ELF2: variants seen among roughly 807,000 people sequenced by gnomAD.
ELF2 encodes E74 like ETS transcription factor 2.
ELF2 carries 11 observed loss-of-function variants against 54.8 expected under a neutral mutation model. The observed-to-expected ratio is 0.20, with a 90% CI of 0.13 to 0.33. ELF2 has a LOEUF of 0.33. Ranked by LOEUF, ELF2 falls within the 10% of genes least tolerant of loss-of-function variation. ELF2 has a pLI of 1.00. For synonymous variants in ELF2, 203 were observed against 245.1 expected (o/e 0.83, Z 1.61); for missense variants, 513 against 703.0 (o/e 0.73, Z 3.06).
intron 7 of ELF2, 112 bp downstream of exon 7, chr4:139,067,572 C>T (rs542478056): frequency 3.9e-5 from 42 of 1,073,836 alleles, no homozygotes; most frequent in Middle Eastern, 2.1e-4. Context: ...CTATTACCAG[C>T]GACAGTATTC....
intron 1 of ELF2, among the ~76,000 whole-genome samples, chr4:139,168,892 G>A (rs1301837030): frequency 6.6e-6 from 1 of 152,070 alleles, no homozygotes; most frequent in African/African-American, 2.4e-5. Flanking sequence ...TGATCAAAAG[G>A]GGGAAAAGTG....
chr4:139,137,763 T>C lies in ELF2; in HGVS notation c.-62A>G, dbSNP rs984554267. ...AATGAAATTAAAGGTTCACTGATGG[T>C]TGCCAGTGTTATAGGTTTGCATTAT... is the stretch of plus-strand genomic sequence containing the variant. On this transcript the variant is annotated 5_prime_UTR_variant, in exon 3 of 10. Transcript: ENST00000686138. The C allele has an allele frequency of 3.7e-6, 6 of 1,606,322 alleles. No homozygotes were observed. The African/African-American group carries it at 6.7e-5, about 18-fold the overall frequency.
Position 139,071,950 on chromosome 4 carries a change from C to A in ELF2, c.442G>T (p.Val148Leu). The A allele has an allele frequency of 6.2e-7, 1 of 1,613,920 alleles. No homozygotes were observed. Among genetic ancestry groups the A allele is most frequent in the South Asian group, 1.1e-5 (1 of 91,070 alleles). The change falls in exon 6 of 10, where the codon GTG (valine) becomes TTG (leucine). Residue 148 changes from valine (V) to leucine (L), a missense_variant. Val to Leu is a conservative substitution (Grantham distance 32). This residue lies in a region of ELF2 where 203 missense variants were observed against 245.9 expected (regional missense o/e 0.83). Coordinates refer to ENST00000686138, the MANE Select transcript of ELF2 (RefSeq NM_001331036.3). The stretch of plus-strand genomic sequence containing the variant: ...ATGGGTTCAGACTCTTCAGTTGACA[C>A]CTCCACTACAGTTTCTGTAATGACA... Reference protein sequence around the residue: ...PDVITETVVEVSTEESEPMDT... With the variant: ...PDVITETVVELSTEESEPMDT...
At chr4:139,074,790 G>C (rs1299955542) in intron 4 of ELF2, among the ~76,000 whole-genome samples, 2 of 151,276 alleles carry the variant, frequency 1.3e-5, no homozygotes, top group Non-Finnish European at 2.9e-5. Flanking sequence ...AAATATTGCA[G>C]GGGAGGGGGA....
At chr4:139,079,712 G>A (rs1221511325) in intron 4 of ELF2, among the ~76,000 whole-genome samples, 1 of 152,148 alleles carries the variant, frequency 6.6e-6, no homozygotes, top group Non-Finnish European at 1.5e-5. Context: ...AGGATTTCAA[G>A]ACCAGCCTGG....
chr4:139,092,309 C>T (rs1351714261), intron 4 of ELF2, among the ~76,000 whole-genome samples: 9 of 151,376 alleles, frequency 5.9e-5, no homozygotes, highest in Admixed American at 4.0e-4. Flanking sequence ...TGAAGTAAGC[C>T]GAGATCATGC....
At chr4:139,133,167 C>T (rs1490275998) in intron 3 of ELF2, among the ~76,000 whole-genome samples, 1 of 152,040 alleles carries the variant, frequency 6.6e-6, no homozygotes, top group African/African-American at 2.4e-5. Context: ...GTGATCCGCC[C>T]GCCTCGGCTT....
intron 1 of ELF2, among the ~76,000 whole-genome samples, chr4:139,149,549 G>C (rs1221019606): frequency 6.6e-6 from 1 of 152,156 alleles, no homozygotes; most frequent in Non-Finnish European, 1.5e-5. Context: ...AGGAGGCAGA[G>C]GTTGCAGTGA....
intron 8 of ELF2, among the ~76,000 whole-genome samples, chr4:139,060,908 T>G (rs1386664127): frequency 6.6e-6 from 1 of 152,234 alleles, no homozygotes; most frequent in Non-Finnish European, 1.5e-5. Flanking sequence ...GTCTATAAAC[T>G]GGCTGAAAGT....
Position 139,059,598 on chromosome 4 carries a change from A to G in ELF2, c.1167T>C (p.Arg389=). 1 of 1,610,722 alleles carries G rather than the reference A, an allele frequency of 6.2e-7. No individual in the cohort carries two copies. Among genetic ancestry groups the G allele is most frequent in the Non-Finnish European group, 8.5e-7 (1 of 1,179,800 alleles). The change falls in exon 10 of 10, where the codon CGT becomes CGC. Residue 389 remains arginine, a synonymous_variant. Transcript: ENST00000686138. ...TTACAACAGGTACCTGCATTGCCACACGAACTGTCCTAGTACATTAGAAAG... is the reference window on the plus strand; with the variant it reads ...TTACAACAGGTACCTGCATTGCCACGCGAACTGTCCTAGTACATTAGAAAG... ...VSATAAPRTV[R]VAMQVPVVMT...
intron 4 of ELF2, among the ~76,000 whole-genome samples, chr4:139,089,470 T>A (rs2148752903): frequency 6.6e-6 from 1 of 152,328 alleles, no homozygotes; most frequent in Non-Finnish European, 1.5e-5. Context: ...CCAGAGAAAC[T>A]GCTATCATGA....
At chr4:139,080,142 TTTGTTTCTAAAATAGTTTTATG>T (rs1286874933) in intron 4 of ELF2, among the ~76,000 whole-genome samples, 2 of 152,176 alleles carry the variant, frequency 1.3e-5, no homozygotes, top group Non-Finnish European at 2.9e-5. Context: ...ACCAACCAAA[TTTGTTTCTAAAATAGTTTTATG>T]TTGAATGATT....
intron 4 of ELF2, among the ~76,000 whole-genome samples, chr4:139,090,518 T>C (rs1455291971): frequency 6.6e-6 from 1 of 152,248 alleles, no homozygotes; most frequent in Non-Finnish European, 1.5e-5. Flanking sequence ...TTTTTTGTCT[T>C]ATTGATCTAT....
downstream of ELF2, chr4:139,057,259 T>C (rs1727192499): frequency 6.6e-6 from 1 of 152,242 alleles, no homozygotes. Context: ...GAGTTTTTCT[T>C]TGAGCTTTTG....
At chr4:139,118,690 T>G (rs923841469) in intron 4 of ELF2, among the ~76,000 whole-genome samples, 8 of 152,088 alleles carry the variant, frequency 5.3e-5, no homozygotes, top group Non-Finnish European at 1.0e-4. Context: ...ATTTGTTTTT[T>G]TTTTTTTAAG....
chr4:139,108,711 C>A (rs1465960726), intron 4 of ELF2, among the ~76,000 whole-genome samples: 1 of 151,652 alleles, frequency 6.6e-6, no homozygotes, highest in Non-Finnish European at 1.5e-5. Context: ...GATAAGAAGG[C>A]AACAAAACAT....
At chr4:139,160,778 C>G (rs1021322171) in intron 1 of ELF2, among the ~76,000 whole-genome samples, 8 of 151,992 alleles carry the variant, frequency 5.3e-5, no homozygotes, top group Non-Finnish European at 5.9e-5. Flanking sequence ...GCCTGGTCAA[C>G]ATGCTGAAAC....
At position 139,173,726 on chromosome 4, in the gene ELF2, C is replaced by A. The variant is rs183591685; in HGVS notation, c.-252+3241G>T. On this transcript the variant is annotated intron_variant, in intron 1 of 9. Coordinates refer to ENST00000686138, the MANE Select transcript of ELF2 (RefSeq NM_001331036.3). Reference sequence around the variant, plus strand: ...TGAGCTGAGATCGTGCCACTGCACTCCAGCCTGGGCAACACAGCGAGACTC... The same window carrying A: ...TGAGCTGAGATCGTGCCACTGCACTACAGCCTGGGCAACACAGCGAGACTC... Among the ~76,000 whole-genome samples the A allele has an allele frequency of 1.1e-3, 165 of 148,814 alleles. 1 individual carries two copies. The highest frequency in any genetic ancestry group is 4.1e-3 in the African/African-American group (163 of 40,172).
intron 6 of ELF2, among the ~76,000 whole-genome samples, 180 bp downstream of exon 6, chr4:139,071,686 A>G (rs1232074463): frequency 2.0e-5 from 3 of 152,198 alleles, no homozygotes; most frequent in African/African-American, 7.2e-5. Context: ...TCCTTTAAAC[A>G]GTATGAGTAC....
Sources: allele counts gnomAD v4.1 joint callset (sites outside exome capture counted in the v4.1 genomes callset), GRCh38; gene constraint gnomAD v4.1.1; regional missense constraint gnomAD v4.1.1; transcripts MANE v1.5; gene names NCBI Gene and HGNC (gene_info 2026-07-23, HGNC 2026-07-21).